The following RIPOR2 variants were observed in gnomAD, a reference collection of about 807,000 sequenced individuals.
The protein encoded by RIPOR2 is RHO family interacting cell polarization regulator 2, also known as rho family-interacting cell polarization regulator 2.
In RIPOR2, 39 loss-of-function variants were observed where a neutral mutation model predicts 114.5. The observed-to-expected ratio is 0.34, with a 90% confidence interval of 0.26 to 0.44. The LOEUF is 0.44. Ranked by LOEUF, RIPOR2 falls within the 20% of genes least tolerant of loss-of-function variation. The pLI is 1.00. For synonymous variants in RIPOR2, 445 were observed against 484.4 expected (o/e 0.92, Z 1.07); for missense variants, 1,007 against 1,255.1 (o/e 0.80, Z 2.99).
At chr6:24,919,987 T>C (rs1770361018) in intron 1 of RIPOR2, among the ~76,000 whole-genome samples, 1 of 152,238 alleles carries the variant, frequency 6.6e-6, no homozygotes, top group Admixed American at 6.5e-5. Context: ...TAATGGTTTT[T>C]GAGGACTGTC....
At chr6:24,990,676 G>A (rs911064978) in intron 1 of RIPOR2, among the ~76,000 whole-genome samples, 3 of 151,108 alleles carry the variant, frequency 2.0e-5, no homozygotes, top group African/African-American at 4.9e-5. Flanking sequence ...TGCATTTGTT[G>A]CATTGTTTGA....
At chr6:24,867,451 C>G (rs1361325624) in intron 6 of RIPOR2, among the ~76,000 whole-genome samples, 3 of 152,230 alleles carry the variant, frequency 2.0e-5, no homozygotes, top group African/African-American at 2.4e-5. Flanking sequence ...CCCCACAAAA[C>G]TTTTAGAAAC....
At chr6:24,838,824 A>T (rs1434127343) in intron 14 of RIPOR2, among the ~76,000 whole-genome samples, 2 of 152,122 alleles carry the variant, frequency 1.3e-5, no homozygotes, top group East Asian at 3.8e-4. Flanking sequence ...GTACTTGTAT[A>T]AAACACTCTC....
At chr6:24,876,382 A>T (rs1235766400) in intron 1 of RIPOR2, among the ~76,000 whole-genome samples, 1 of 151,778 alleles carries the variant, frequency 6.6e-6, no homozygotes, top group Non-Finnish European at 1.5e-5. Flanking sequence ...TTTTTTTTTT[A>T]AAACAAGGTT....
chr6:24,886,887 G>A (rs1169164302), intron 1 of RIPOR2, among the ~76,000 whole-genome samples: 1 of 152,146 alleles, frequency 6.6e-6, no homozygotes, highest in Non-Finnish European at 1.5e-5. Flanking sequence ...ATCCATTGAT[G>A]TCTCCTGCCC....
intron 1 of RIPOR2, among the ~76,000 whole-genome samples, chr6:24,881,671 TATA>T (rs1166859937): frequency 1.3e-5 from 2 of 152,126 alleles, no homozygotes; most frequent in Non-Finnish European, 1.5e-5. Context: ...CTTTTGAAAT[TATA>T]ATAAGTATAA....
chr6:24,925,945 T>G lies in RIPOR2; in HGVS notation c.61+9893A>C, dbSNP rs76212383. Among the ~76,000 whole-genome samples, 253 of 152,308 alleles carry G rather than the reference T, an allele frequency of 1.7e-3. 5 individuals carry two copies. In the East Asian group the frequency reaches 0.045, roughly 27 times the overall value. Reference sequence around the variant, plus strand: ...CTGTACATTTGTATAAAATTAATGTTTACACACAAATACACATAAACAGCT... The same window carrying G: ...CTGTACATTTGTATAAAATTAATGTGTACACACAAATACACATAAACAGCT... On this transcript the variant is annotated intron_variant, in intron 1 of 21. Transcript: ENST00000643898.
chr6:24,822,512 T>A (rs568321190), intron 19 of RIPOR2, among the ~76,000 whole-genome samples: 9 of 152,098 alleles, frequency 5.9e-5, no homozygotes, highest in Non-Finnish European at 1.0e-4. Flanking sequence ...ATTTATTTAT[T>A]TTTATTTATT....
At chr6:24,847,622 AG>A (rs1383220642) in intron 12 of RIPOR2, 11 of 1,551,736 alleles carry the variant, frequency 7.1e-6, no homozygotes, top group Non-Finnish European at 9.6e-6. Context: ...AGCTTGGCAA[AG>A]AAAGTGTCTT....
intron 13 of RIPOR2, chr6:24,839,545 C>A: frequency 7.0e-7 from 1 of 1,427,206 alleles, no homozygotes; most frequent in Non-Finnish European, 9.6e-7. Flanking sequence ...GAGTTGATCA[C>A]TGAGGAGGTT....
chr6:25,005,740 T>TATATATATATACACACATAC (rs1491374316), intron 1 of RIPOR2, among the ~76,000 whole-genome samples: 2 of 104,510 alleles, frequency 1.9e-5, no homozygotes, highest in Non-Finnish European at 4.0e-5. Flanking sequence ...TATATATATA[T>TATATATATATACACACATAC]ACATTTACCG....
At chr6:24,818,681 G>A (rs1490053872) in intron 19 of RIPOR2, 56 bp from the exon 20 acceptor site, 1 of 1,097,952 alleles carries the variant, frequency 9.1e-7, no homozygotes, top group African/African-American at 1.6e-5. Context: ...TAGTTTAAGA[G>A]GTATACCTCA....
chr6:24,972,928 G>A (rs941490784), intron 1 of RIPOR2, among the ~76,000 whole-genome samples: 7 of 152,180 alleles, frequency 4.6e-5, no homozygotes, highest in South Asian at 2.1e-4. Flanking sequence ...TATAGAAAAC[G>A]TCTGTTAATG....
chr6:24,937,847 A>T (rs971585715), upstream of RIPOR2, among the ~76,000 whole-genome samples: 1 of 152,118 alleles, frequency 6.6e-6, no homozygotes, highest in African/African-American at 2.4e-5. Context: ...TGTCTGGACA[A>T]CTTATGGGAG....
intron 1 of RIPOR2, among the ~76,000 whole-genome samples, chr6:25,007,006 T>G (rs1775584710): frequency 6.6e-6 from 1 of 152,198 alleles, no homozygotes; most frequent in South Asian, 2.1e-4. Context: ...GAGGGTCTCT[T>G]GCTCAACCAA....
At chr6:25,028,547 T>C (rs549035465) in intron 1 of RIPOR2, among the ~76,000 whole-genome samples, 38 of 152,270 alleles carry the variant, frequency 2.5e-4, no homozygotes, top group African/African-American at 9.1e-4. Context: ...CCTCATAGGG[T>C]TGGACTGAGG....
Position 24,872,863 on chromosome 6 carries a change from T to C in RIPOR2, c.423+18A>G. 6.5e-7 allele frequency: 1 copy of C among 1,538,486 alleles called. No individual in the cohort carries two copies. Among genetic ancestry groups the C allele is most frequent in the Non-Finnish European group, 9.0e-7 (1 of 1,113,666 alleles). On this transcript the variant is annotated intron_variant, in intron 4 of 21. Coordinates refer to ENST00000643898, the MANE Select transcript of RIPOR2 (RefSeq NM_001286445.3). ...AAAAAGAACAGTGTTAACATCATAATGACTGCATAGTACCTACCAGGCGAG... is the reference window on the plus strand; with the variant it reads ...AAAAAGAACAGTGTTAACATCATAACGACTGCATAGTACCTACCAGGCGAG...
At chr6:24,850,268 G>A (rs181310869) in intron 10 of RIPOR2, among the ~76,000 whole-genome samples, 134 of 151,476 alleles carry the variant, frequency 8.8e-4, no homozygotes, top group African/African-American at 3.0e-3. Flanking sequence ...GCTAATTTTT[G>A]TACTTTTGTA....
Position 24,951,477 on chromosome 6 carries a change from G to C in RIPOR2, c.77-75660C>G, listed in dbSNP as rs200316857. Among the ~76,000 whole-genome samples the C allele has an allele frequency of 2.6e-5, 4 of 152,152 alleles. No homozygotes were observed. In the South Asian group the frequency reaches 8.3e-4, roughly 32 times the overall value. On this transcript the variant is annotated intron_variant, in intron 1 of 13. Coordinates refer to the RIPOR2 transcript ENST00000510784. Reference sequence around the variant, plus strand: ...TTTTGTTGACAAAGATAAGACTTCCGTAAAAGGATCCCTTCAAAAGCAGCT... The same window carrying C: ...TTTTGTTGACAAAGATAAGACTTCCCTAAAAGGATCCCTTCAAAAGCAGCT...
Sources: gnomAD v4.1 joint callset for allele counts (sites outside exome capture counted in the v4.1 genomes callset) on GRCh38, gnomAD v4.1.1 for gene constraint, MANE v1.5 for transcripts, NCBI Gene and HGNC (gene_info 2026-07-23, HGNC 2026-07-21) for gene names.